The following WWTR1 variants were observed in gnomAD, a reference collection of about 807,000 sequenced individuals.
WWTR1 encodes the protein WW domain containing transcription regulator 1.
A neutral mutation model predicts 40.1 loss-of-function variants in WWTR1; 13 were observed. The ratio of observed to expected loss-of-function variants is 0.32; its 90% confidence interval spans 0.21 to 0.52. WWTR1 has a LOEUF of 0.52. Among genes scored for constraint, WWTR1 ranks in the 20% least tolerant of loss-of-function variants. WWTR1 has a pLI of 0.97. For synonymous variants in WWTR1, 230 were observed against 210.1 expected (o/e 1.09, Z -0.82); for missense variants, 436 against 523.1 (o/e 0.83, Z 1.63).
chr3:149,664,487 C>T (rs979751749), intron 2 of WWTR1, among the ~76,000 whole-genome samples: 4 of 152,062 alleles, frequency 2.6e-5, no homozygotes, highest in African/African-American at 9.7e-5. Context: ...TTTGCATTTA[C>T]TCTTTTGTTG....
intron 1 of WWTR1, among the ~76,000 whole-genome samples, chr3:149,701,329 G>C (rs1237953582): frequency 6.6e-6 from 1 of 152,090 alleles, no homozygotes; most frequent in East Asian, 1.9e-4. Context: ...GGAGTTTAAG[G>C]CCTTTCCGAT....
Position 149,520,866 on chromosome 3 carries a change from G to C in WWTR1, c.1142C>G (p.Pro381Arg), listed in dbSNP as rs1028918994. The change falls in exon 7 of 7, where the codon CCC (proline) becomes CGC (arginine). Residue 381 changes from proline (P) to arginine (R), a missense_variant. Coordinates refer to ENST00000360632, the MANE Select transcript of WWTR1 (RefSeq NM_015472.6). Reference sequence around the variant, plus strand: ...AGCAGACTCTACATCATTGAAGAGGGGGATCAGGTCTTCAGATTCCAAAGT... The same window carrying C: ...AGCAGACTCTACATCATTGAAGAGGCGGATCAGGTCTTCAGATTCCAAAGT... ...LGTLESEDLI[P>R]LFNDVESALN... 3 of 1,613,532 alleles carry C rather than the reference G, an allele frequency of 1.9e-6. No homozygotes were observed. The highest frequency in any genetic ancestry group is 2.2e-5 in the East Asian group (1 of 44,860).
chr3:149,626,663 G>A (rs575225766), intron 2 of WWTR1, among the ~76,000 whole-genome samples: 6 of 151,998 alleles, frequency 3.9e-5, no homozygotes, highest in Admixed American at 1.3e-4. Context: ...TACTCCAAGG[G>A]AAGATACCAG....
chr3:149,525,955 G>T (rs996663533), intron 6 of WWTR1, 58 bp downstream of exon 6: 2 of 968,296 alleles, frequency 2.1e-6, no homozygotes, highest in Non-Finnish European at 3.0e-6. Context: ...TGAGATAACC[G>T]AAGAGATCAT....
intron 3 of WWTR1, among the ~76,000 whole-genome samples, chr3:149,556,602 A>G (rs980388440): frequency 1.3e-5 from 2 of 151,890 alleles, no homozygotes; most frequent in Non-Finnish European, 2.9e-5. Flanking sequence ...CAAACAAACC[A>G]TGAAGGAAAG....
intron 2 of WWTR1, among the ~76,000 whole-genome samples, chr3:149,668,805 C>T (rs1713946213): frequency 6.6e-6 from 1 of 152,128 alleles, no homozygotes; most frequent in Admixed American, 6.5e-5. Flanking sequence ...TCAGACACTC[C>T]ACTCACCAAA....
Position 149,596,192 on chromosome 3 carries a change from A to T in WWTR1, c.432-23192T>A, listed in dbSNP as rs139252404. On this transcript the variant is annotated intron_variant, in intron 2 of 6. Coordinates refer to ENST00000360632, the MANE Select transcript of WWTR1 (RefSeq NM_015472.6). Reference sequence around the variant, plus strand: ...TCCAGTTATAACAAAAATTACAGTAAAGGACAGTAAGTGTTCTAAGAGAAG... The same window carrying T: ...TCCAGTTATAACAAAAATTACAGTATAGGACAGTAAGTGTTCTAAGAGAAG... Among the ~76,000 whole-genome samples, 309 of 152,352 alleles carry T rather than the reference A, an allele frequency of 2.0e-3. 1 individual carries two copies. The highest frequency in any genetic ancestry group is 7.3e-3 in the African/African-American group (302 of 41,584).
chr3:149,700,413 GT>G (rs1715133335), intron 1 of WWTR1, among the ~76,000 whole-genome samples: 1 of 152,270 alleles, frequency 6.6e-6, no homozygotes, highest in Admixed American at 6.5e-5. Flanking sequence ...TACCATTATA[GT>G]TATTCAGTGA....
At chr3:149,634,769 C>A (rs1438302401) in intron 2 of WWTR1, among the ~76,000 whole-genome samples, 1 of 152,254 alleles carries the variant, frequency 6.6e-6, no homozygotes, top group South Asian at 2.1e-4. Context: ...GGCATTCGCC[C>A]TTTCACACGG....
chr3:149,710,130 C>G (rs912010980), intron 5 of WWTR1, among the ~76,000 whole-genome samples: 2 of 152,148 alleles, frequency 1.3e-5, no homozygotes, highest in African/African-American at 4.8e-5. Flanking sequence ...TGTACTGGAC[C>G]TCTCAGTTGT....
intron 2 of WWTR1, among the ~76,000 whole-genome samples, chr3:149,614,157 A>C (rs965950993): frequency 1.3e-5 from 2 of 152,176 alleles, no homozygotes; most frequent in Non-Finnish European, 2.9e-5. Context: ...ACTGACACAC[A>C]GTCATGTGCA....
intron 3 of WWTR1, among the ~76,000 whole-genome samples, chr3:149,563,437 T>C (rs967329733): frequency 2.0e-5 from 3 of 152,172 alleles, no homozygotes; most frequent in Non-Finnish European, 4.4e-5. Flanking sequence ...AGAATCTGGA[T>C]CCCAAGCTAT....
At chr3:149,591,082 G>A (rs1738697911) in intron 2 of WWTR1, among the ~76,000 whole-genome samples, 1 of 151,348 alleles carries the variant, frequency 6.6e-6, no homozygotes, top group Admixed American at 6.6e-5. Flanking sequence ...AAACAAATTA[G>A]GTCCATGTGA....
At chr3:149,554,243 G>T (rs1736728761) in intron 3 of WWTR1, among the ~76,000 whole-genome samples, 1 of 152,108 alleles carries the variant, frequency 6.6e-6, no homozygotes, top group South Asian at 2.1e-4. Context: ...AATATATGTT[G>T]ATTCAGCCAC....
chr3:149,600,187 C>T (rs1212359586), intron 2 of WWTR1, among the ~76,000 whole-genome samples: 3 of 151,978 alleles, frequency 2.0e-5, no homozygotes, highest in Admixed American at 2.0e-4. Flanking sequence ...CCTTTCCGGA[C>T]ACCAAGGGAC....
intron 2 of WWTR1, among the ~76,000 whole-genome samples, chr3:149,648,818 G>A (rs572466392): frequency 2.0e-4 from 31 of 152,244 alleles, no homozygotes; most frequent in African/African-American, 7.5e-4. Context: ...AGCTGATCCA[G>A]GCTCTAGGAC....
chr3:149,714,987 C>G (rs1715569144), intron 5 of WWTR1, among the ~76,000 whole-genome samples: 1 of 152,206 alleles, frequency 6.6e-6, no homozygotes, highest in South Asian at 2.1e-4. Flanking sequence ...AGGAGCTACC[C>G]TCTCTGCTGA....
intron 2 of WWTR1, among the ~76,000 whole-genome samples, chr3:149,604,910 G>A (rs1425344133): frequency 6.6e-6 from 1 of 152,238 alleles, no homozygotes; most frequent in East Asian, 1.9e-4. Flanking sequence ...GGAGGGAAAT[G>A]TCAATGGAAG....
upstream of WWTR1, chr3:149,659,821 C>T (rs1470298772): frequency 6.6e-6 from 1 of 152,148 alleles, no homozygotes; most frequent in East Asian, 1.9e-4. Flanking sequence ...AGCCACTTCC[C>T]CTGTTATCTG....
Sources: allele counts gnomAD v4.1 joint callset (sites outside exome capture counted in the v4.1 genomes callset), GRCh38; gene constraint gnomAD v4.1.1; transcripts MANE v1.5; gene names NCBI Gene and HGNC (gene_info 2026-07-23, HGNC 2026-07-21).